The following USP30 variants were observed in gnomAD, a reference collection of about 807,000 sequenced individuals.
USP30 encodes ubiquitin carboxyl-terminal hydrolase 30.
A neutral mutation model predicts 68.2 loss-of-function variants in USP30; 41 were observed. That is an observed-to-expected ratio of 0.60 (90% CI 0.47 to 0.78). USP30 has a LOEUF of 0.78. Among genes scored for constraint, USP30 ranks in the 30% least tolerant of loss-of-function variants. The pLI is 0.00. For synonymous variants in USP30, 229 were observed against 253.7 expected, an observed-to-expected ratio of 0.90 and a Z score of 0.93; for missense variants, 522 against 649.4, an observed-to-expected ratio of 0.80 and a Z score of 2.13.
intron 3 of USP30, among the ~76,000 whole-genome samples, chr12:109,041,235 C>T (rs1198214982): frequency 6.6e-6 from 1 of 152,180 alleles, no homozygotes; most frequent in African/African-American, 2.4e-5. Flanking sequence ...CAGGCAAATG[C>T]AATTCTTGCT....
intron 7 of USP30, among the ~76,000 whole-genome samples, chr12:109,077,607 C>A (rs2041650108): frequency 6.6e-6 from 1 of 152,084 alleles, no homozygotes; most frequent in Non-Finnish European, 1.5e-5. Flanking sequence ...GCTTGACAAT[C>A]TTTTAGTTGG....
intron 3 of USP30, chr12:109,027,611 C>T (rs2040454118): frequency 6.6e-6 from 1 of 152,148 alleles, no homozygotes; most frequent in Non-Finnish European, 1.5e-5. Flanking sequence ...AATTTGCCTA[C>T]TCTAGTTACC....
intron 3 of USP30, among the ~76,000 whole-genome samples, chr12:109,067,148 C>CT (rs1413586337): frequency 4.6e-5 from 6 of 129,940 alleles, no homozygotes; most frequent in Admixed American, 1.8e-4. Context: ...GAGCGTCACT[C>CT]TGTCACCCAG....
rs991662107 is a variant in USP30 at position 109,034,782 on chromosome 12, T to TC, written c.-136+7227dup. Among the ~76,000 whole-genome samples, 322 of 152,328 alleles carry TC rather than the reference T, an allele frequency of 2.1e-3. 1 individual carries two copies. Among genetic ancestry groups the TC allele is most frequent in the African/African-American group, 7.0e-3 (291 of 41,558 alleles). On this transcript the variant is annotated intron_variant, in intron 3 of 15. Coordinates refer to the USP30 transcript ENST00000392784. ...TCCCTTTAATTCTGTCCTTTTTTTT[T>TC]CATTGTATTTTGGGCCTGTATTGTT...
chr12:109,053,994 ATGAAAG>A lies in USP30; in HGVS notation c.83+1237_83+1242del, dbSNP rs780870861. 122 of 456,020 alleles carry A rather than the reference ATGAAAG, an allele frequency of 2.7e-4. 1 individual carries two copies. Among genetic ancestry groups the A allele is most frequent in the Middle Eastern group, 1.3e-3 (4 of 3,070 alleles). The allele number at this position is 456,020 out of a possible 1,614,324, so 28.2% of individuals were successfully genotyped here. A position where few individuals can be genotyped will look rare whatever the true frequency, so the allele number is the denominator to read the frequency against. On this transcript the variant is annotated intron_variant, in intron 1 of 12. Transcript: ENST00000257548. ...GCTCTTAGTTTCTTCTGCTATAAAA[ATGAAAG>A]TGATAGTAGAACCTGCATCTGTGGG...
intron 3 of USP30, among the ~76,000 whole-genome samples, chr12:109,062,180 C>T (rs573724578): frequency 6.6e-6 from 1 of 152,248 alleles, no homozygotes; most frequent in South Asian, 2.1e-4. Context: ...GGTGATCCAC[C>T]CGCCTCAGCC....
chr12:109,047,381 C>T (rs1408595819), intron 3 of USP30, among the ~76,000 whole-genome samples: 1 of 152,150 alleles, frequency 6.6e-6, no homozygotes, highest in Non-Finnish European at 1.5e-5. Flanking sequence ...AGAGCTACAA[C>T]AAACAGTTCT....
chr12:109,042,012 G>A (rs1023123559), intron 3 of USP30, among the ~76,000 whole-genome samples: 1 of 151,554 alleles, frequency 6.6e-6, no homozygotes, highest in African/African-American at 2.4e-5. Context: ...ACAGCATTCA[G>A]GAGAAAATTA....
intron 3 of USP30, among the ~76,000 whole-genome samples, chr12:109,066,825 A>C (rs1016832456): frequency 6.6e-6 from 1 of 152,254 alleles, no homozygotes; most frequent in African/African-American, 2.4e-5. Flanking sequence ...AGAGGAGTGT[A>C]GCACCAAATA....
intron 3 of USP30, among the ~76,000 whole-genome samples, chr12:109,044,697 G>A (rs1253865117): frequency 6.6e-6 from 1 of 151,836 alleles, no homozygotes; most frequent in Non-Finnish European, 1.5e-5. Context: ...TATGTACTTT[G>A]CCACAATAAA....
chr12:109,036,810 T>C (rs7963952), intron 3 of USP30, among the ~76,000 whole-genome samples: 1 of 152,184 alleles, frequency 6.6e-6, no homozygotes, highest in African/African-American at 2.4e-5. Context: ...TCTTATTAAG[T>C]ATACCTTTTA....
chr12:109,026,500 C>G (rs1158015133), intron 2 of USP30, among the ~76,000 whole-genome samples: 2 of 151,458 alleles, frequency 1.3e-5, no homozygotes, highest in African/African-American at 2.4e-5. Flanking sequence ...GTCTCTGTCA[C>G]TCAGGCTGGA....
Position 109,084,946 on chromosome 12 carries a change from C to T in USP30, c.1169-7C>T, listed in dbSNP as rs1471733154. 2.5e-6 allele frequency: 4 copies of T among 1,571,372 alleles called. No homozygotes were observed. The highest frequency in any genetic ancestry group is 3.5e-6 in the Non-Finnish European group (4 of 1,156,946). ...TTTTCATTGACTCGGGCCTTTTTCT[C>T]TTGCAGTTCTGAATCAGCCAGGGGC... On this transcript the variant is annotated splice_region_variant and splice_polypyrimidine_tract_variant and intron_variant, in intron 11 of 12. Coordinates refer to ENST00000257548, the MANE Select transcript of USP30 (RefSeq NM_032663.5).
chr12:109,052,550 C>CT, upstream of USP30: 1 of 936,154 alleles, frequency 1.1e-6, no homozygotes, highest in Non-Finnish European at 1.5e-6. Context: ...GTCCTGCGGT[C>CT]TACGTTCCCC....
In USP30 at chr12:109,085,847, G is replaced by A; in HGVS notation, c.1470G>A (p.Leu490=). 6.2e-7 allele frequency: 1 copy of A among 1,614,232 alleles called. No homozygotes were observed. The highest frequency in any genetic ancestry group is 2.2e-5 in the East Asian group (1 of 44,894). ...GCAAGGCCAGCCTGCAGGAGGTCCTGTCCTCCAGCGCCTACCTGCTGTTCT... is the reference window on the plus strand; with the variant it reads ...GCAAGGCCAGCCTGCAGGAGGTCCTATCCTCCAGCGCCTACCTGCTGTTCT... The part of the protein sequence containing the change: ...TVRKASLQEV[L]SSSAYLLFYE... Residue 490 remains leucine, a synonymous_variant, in exon 13 of 13, where the codon CTG becomes CTA. Coordinates refer to ENST00000257548, the MANE Select transcript of USP30 (RefSeq NM_032663.5).
chr12:109,037,675 A>G (rs951316828), intron 3 of USP30, among the ~76,000 whole-genome samples: 1 of 152,202 alleles, frequency 6.6e-6, no homozygotes, highest in African/African-American at 2.4e-5. Flanking sequence ...GAAAACTCAG[A>G]TAGCTTAGTG....
chr12:109,052,753 G>C lies in USP30; in HGVS notation c.75G>C (p.Ala25=). 6.9e-7 allele frequency: 1 copy of C among 1,454,188 alleles called. No individual in the cohort carries two copies. The highest frequency in any genetic ancestry group is 2.7e-5 in the Admixed American group (1 of 36,900). The allele number at this position is 1,454,188 out of a possible 1,614,324, so 90.1% of individuals were successfully genotyped here. Residue 25 remains alanine, a synonymous_variant, in exon 1 of 13, where the codon GCG becomes GCC. Transcript: ENST00000257548. ...TCCAGCGCTTCCTGCGGACCGGGGC[G>C]GCCGTCAGGTGAGATTTTGGGGGGC... ...RAIQRFLRTG[A]AVRYKVMKNW...
At chr12:109,055,912 A>C (rs1158769955) in intron 1 of USP30, among the ~76,000 whole-genome samples, 1 of 152,138 alleles carries the variant, frequency 6.6e-6, no homozygotes, top group African/African-American at 2.4e-5. Context: ...AAGTAGAAAC[A>C]TGTCAAGGGG....
intron 3 of USP30, among the ~76,000 whole-genome samples, chr12:109,030,831 G>T (rs1274776458): frequency 6.6e-6 from 1 of 152,116 alleles, no homozygotes; most frequent in Non-Finnish European, 1.5e-5. Flanking sequence ...GGCCAGGCTG[G>T]TCTTGAACTC....
Sources: gnomAD v4.1 joint callset for allele counts (sites outside exome capture counted in the v4.1 genomes callset) on GRCh38, gnomAD v4.1.1 for gene constraint, MANE v1.5 for transcripts, NCBI Gene and HGNC (gene_info 2026-07-23, HGNC 2026-07-21) for gene names.